IMPG2: variants seen among roughly 807,000 people sequenced by gnomAD.
IMPG2 encodes the protein IPM 200.
Under a neutral mutation model 129.2 loss-of-function variants are expected in IMPG2, and 91 were observed. The ratio of observed to expected loss-of-function variants is 0.70; its 90% CI spans 0.59 to 0.84. The LOEUF (loss-of-function observed/expected upper bound fraction) is 0.84. IMPG2 is among the 40% of genes least tolerant of loss of function. The pLI, the probability that IMPG2 is intolerant of heterozygous loss-of-function variation, is 0.00. For synonymous variants in IMPG2, 510 were observed against 517.7 expected, an observed-to-expected ratio of 0.99 and a Z score of 0.20; for missense variants, 1,430 against 1,461.7, an observed-to-expected ratio of 0.98 and a Z score of 0.35.
intron 4 of IMPG2, among the ~76,000 whole-genome samples, chr3:101,285,268 G>A (rs1327746888): frequency 1.3e-5 from 2 of 152,108 alleles, no homozygotes; most frequent in African/African-American, 2.4e-5. Flanking sequence ...CAAGAGTACT[G>A]CCAGTGTGCA....
At chr3:101,228,929 A>G in intron 17 of IMPG2, 53 bp from the exon 18 acceptor site, 1 of 1,318,358 alleles carries the variant, frequency 7.6e-7, no homozygotes, top group South Asian at 1.2e-5. Flanking sequence ...AAACCTCAAC[A>G]GCCTTTTAAA....
At chr3:101,280,555 C>A (rs186712157) in intron 4 of IMPG2, among the ~76,000 whole-genome samples, 2 of 152,096 alleles carry the variant, frequency 1.3e-5, no homozygotes, top group Admixed American at 1.3e-4. Flanking sequence ...TATGCAGAAG[C>A]ATCAGAAAAA....
chr3:101,299,726 T>A (rs1559657215), intron 3 of IMPG2, among the ~76,000 whole-genome samples: 1 of 152,160 alleles, frequency 6.6e-6, no homozygotes, highest in Admixed American at 6.5e-5. Context: ...TTCCCATGCC[T>A]GGAGATGTCA....
At position 101,319,757 on chromosome 3, in the gene IMPG2, G is replaced by A; in HGVS notation, c.161C>T (p.Thr54Ile). The A allele has an allele frequency of 6.2e-7, 1 of 1,613,580 alleles. No individual in the cohort carries two copies. The highest frequency in any genetic ancestry group is 8.5e-7 in the Non-Finnish European group (1 of 1,179,778). ...CTTTTTGGTAGCTAGAGAAAGGTCT[G>A]TTGATTCTTCAGGCAGGAGAAAAGA... ...AVSFLLPEES[T>I]DLSLATKKKQ... Residue 54 changes from threonine to isoleucine, a missense_variant, in exon 2 of 19, where the codon ACA becomes ATA. Coordinates refer to ENST00000193391, the MANE Select transcript of IMPG2 (RefSeq NM_016247.4).
intron 3 of IMPG2, among the ~76,000 whole-genome samples, chr3:101,294,926 T>C (rs1290779693): frequency 6.6e-6 from 1 of 152,176 alleles, no homozygotes. Flanking sequence ...ATGCCCACTT[T>C]TTGATGGGGT....
At chr3:101,270,190 G>T (rs367738842) in intron 7 of IMPG2, among the ~76,000 whole-genome samples, 185 of 152,096 alleles carry the variant, frequency 1.2e-3, no homozygotes, top group African/African-American at 4.3e-3. Context: ...ACCTGCCTCA[G>T]CCTCCCGAAG....
chr3:101,263,192 C>T (rs1312237084), intron 9 of IMPG2, among the ~76,000 whole-genome samples: 1 of 151,986 alleles, frequency 6.6e-6, no homozygotes, highest in Non-Finnish European at 1.5e-5. Context: ...GCACCACAGA[C>T]TAAGTGGCCC....
At chr3:101,309,842 T>C in intron 2 of IMPG2, among the ~76,000 whole-genome samples, 1 of 152,176 alleles carries the variant, frequency 6.6e-6, no homozygotes, top group East Asian at 1.9e-4. Context: ...AATGGCCATA[T>C]AATGGAATCA....
At chr3:101,249,748 A>G (rs1706523321) in intron 11 of IMPG2, among the ~76,000 whole-genome samples, 3 of 151,398 alleles carry the variant, frequency 2.0e-5, no homozygotes, top group Admixed American at 6.6e-5. Context: ...GAATCCCCTA[A>G]CAGAAGTGAC....
chr3:101,288,211 A>T (rs918783583), intron 4 of IMPG2, among the ~76,000 whole-genome samples: 1 of 152,206 alleles, frequency 6.6e-6, no homozygotes, highest in East Asian at 1.9e-4. Context: ...CAGAATGGCT[A>T]CTAAAAAGTG....
intron 2 of IMPG2, among the ~76,000 whole-genome samples, chr3:101,309,688 T>C (rs1707240498): frequency 6.6e-6 from 1 of 152,104 alleles, no homozygotes; most frequent in South Asian, 2.1e-4. Flanking sequence ...CCAAACCATA[T>C]CACCTATGAC....
At chr3:101,270,668 T>C (rs773603632) in intron 7 of IMPG2, among the ~76,000 whole-genome samples, 18 of 151,782 alleles carry the variant, frequency 1.2e-4, no homozygotes, top group South Asian at 4.2e-4. Context: ...GGCGTGGTGG[T>C]GGGCGCCTGT....
chr3:101,240,450 C>T (rs773212714), intron 14 of IMPG2, among the ~76,000 whole-genome samples: 27 of 152,046 alleles, frequency 1.8e-4, no homozygotes, highest in Non-Finnish European at 3.1e-4. Context: ...GTAGATTGAC[C>T]TTCGCAAAAG....
intron 11 of IMPG2, 114 bp downstream of exon 11, chr3:101,253,582 A>G (rs1290763179): frequency 1.3e-6 from 1 of 755,938 alleles, no homozygotes; most frequent in Non-Finnish European, 2.3e-6. Flanking sequence ...ATGATGCAAG[A>G]GAATAATTGA....
chr3:101,308,679 C>T (rs1438159334), intron 2 of IMPG2, among the ~76,000 whole-genome samples: 1 of 152,218 alleles, frequency 6.6e-6, no homozygotes, highest in East Asian at 1.9e-4. Context: ...AGACATTTTC[C>T]CCATTGTCTT....
At chr3:101,283,016 A>C (rs1187634033) in intron 4 of IMPG2, among the ~76,000 whole-genome samples, 1 of 151,940 alleles carries the variant, frequency 6.6e-6, no homozygotes, top group Non-Finnish European at 1.5e-5. Context: ...CATTTTTATT[A>C]GTTTACTTTT....
At chr3:101,304,854 A>AT (rs909520415) in intron 2 of IMPG2, among the ~76,000 whole-genome samples, 4 of 67,914 alleles carry the variant, frequency 5.9e-5, no homozygotes, top group South Asian at 5.9e-4. Context: ...CATATTTCTG[A>AT]TAAAAAAAAA....
At chr3:101,262,132 C>CA (rs1706677524) in intron 9 of IMPG2, among the ~76,000 whole-genome samples, 1 of 151,994 alleles carries the variant, frequency 6.6e-6, no homozygotes, top group African/African-American at 2.4e-5. Context: ...CAAGATCAAC[C>CA]AAAATAAGGA....
At chr3:101,312,862 T>C (rs1165648232) in intron 2 of IMPG2, among the ~76,000 whole-genome samples, 1 of 152,130 alleles carries the variant, frequency 6.6e-6, no homozygotes, top group Non-Finnish European at 1.5e-5. Context: ...TCTTATTTTA[T>C]GATATATCCA....
Sources: gnomAD v4.1 joint callset for allele counts (sites outside exome capture counted in the v4.1 genomes callset) on GRCh38, gnomAD v4.1.1 for gene constraint, MANE v1.5 for transcripts, NCBI Gene and HGNC (gene_info 2026-07-23, HGNC 2026-07-21) for gene names.